The following TMEM132C variants were observed in gnomAD, a reference collection of about 807,000 sequenced individuals.
TMEM132C encodes the protein transmembrane protein 132C.
TMEM132C carries 29 observed loss-of-function variants against 61.4 expected under a neutral mutation model. The observed-to-expected ratio is 0.47, with a 90% confidence interval of 0.35 to 0.64. TMEM132C has a LOEUF of 0.64. Ranked by LOEUF, TMEM132C falls within the 30% of genes least tolerant of loss-of-function variation. The probability of loss-of-function intolerance (pLI) is 0.00; values close to 1 mark genes in which losing one functional copy is unlikely to be tolerated. For synonymous variants in TMEM132C, 656 were observed against 633.1 expected (o/e 1.04, Z -0.54); for missense variants, 1,408 against 1,476.9 (o/e 0.95, Z 0.76).
intron 1 of TMEM132C, among the ~76,000 whole-genome samples, chr12:128,280,955 T>C (rs1317784414): frequency 1.3e-5 from 2 of 152,060 alleles, no homozygotes; most frequent in South Asian, 2.1e-4. Context: ...AAAATGTGGG[T>C]GTTGTTACCC....
chr12:128,276,786 A>G (rs139635076), intron 1 of TMEM132C, among the ~76,000 whole-genome samples: 14 of 152,310 alleles, frequency 9.2e-5, no homozygotes, highest in Non-Finnish European at 1.6e-4. Flanking sequence ...GTATTCTACT[A>G]GCAAGTCTTT....
At chr12:128,370,883 CT>C (rs1464683625) in intron 1 of TMEM132C, among the ~76,000 whole-genome samples, 1 of 152,148 alleles carries the variant, frequency 6.6e-6, no homozygotes, top group Admixed American at 6.5e-5. Context: ...GCAGCTACCC[CT>C]GAGGAGCTCA....
chr12:128,510,824 G>T (rs1289888585), intron 2 of TMEM132C, among the ~76,000 whole-genome samples: 1 of 152,338 alleles, frequency 6.6e-6, no homozygotes, highest in South Asian at 2.1e-4. Context: ...GGGCAGCCTC[G>T]CCTGGCGAGT....
chr12:128,527,814 G>A lies in TMEM132C; in HGVS notation c.975-16143G>A, dbSNP rs557217895. 1.6e-3 allele frequency among the ~76,000 whole-genome samples: 245 copies of A among 151,884 alleles called. 1 individual carries two copies. Among genetic ancestry groups the A allele is most frequent in the Non-Finnish European group, 2.1e-3 (142 of 67,952 alleles). The stretch of plus-strand genomic sequence containing the variant: ...TATTTTCAAGCCAACACTTGCCTAG[G>A]TTTCTTCTAACTCTGTAGTCAGAGT... On this transcript the variant is annotated intron_variant, in intron 2 of 8. Coordinates refer to ENST00000435159, the MANE Select transcript of TMEM132C (RefSeq NM_001136103.3).
chr12:128,376,249 C>T (rs1874189718), intron 1 of TMEM132C, among the ~76,000 whole-genome samples: 1 of 152,208 alleles, frequency 6.6e-6, no homozygotes, highest in Non-Finnish European at 1.5e-5. Context: ...TAACCAGGTG[C>T]ATTGGAGAGA....
chr12:128,625,810 G>A (rs149860216), intron 4 of TMEM132C, among the ~76,000 whole-genome samples: 21 of 152,240 alleles, frequency 1.4e-4, no homozygotes, highest in South Asian at 4.1e-4. Flanking sequence ...CTTCACCTGC[G>A]TGACCTTATC....
At chr12:128,614,787 G>T (rs981487191) in intron 3 of TMEM132C, among the ~76,000 whole-genome samples, 13 of 152,186 alleles carry the variant, frequency 8.5e-5, no homozygotes, top group Non-Finnish European at 1.9e-4. Context: ...GTCATTAAAG[G>T]ATACTAGGCA....
At chr12:128,619,764 T>C (rs553638155) in intron 4 of TMEM132C, among the ~76,000 whole-genome samples, 1 of 152,308 alleles carries the variant, frequency 6.6e-6, no homozygotes, top group African/African-American at 2.4e-5. Context: ...CTTTCAGAAC[T>C]ACAGAGGAAG....
intron 2 of TMEM132C, among the ~76,000 whole-genome samples, chr12:128,528,229 G>C (rs1002023559): frequency 3.3e-5 from 5 of 152,156 alleles, no homozygotes; most frequent in Admixed American, 2.6e-4. Flanking sequence ...ATCACTAGGG[G>C]AGTCTCATCT....
chr12:128,528,661 A>G (rs1873177445), intron 2 of TMEM132C, among the ~76,000 whole-genome samples: 1 of 152,134 alleles, frequency 6.6e-6, no homozygotes, highest in South Asian at 2.1e-4. Context: ...GTTTAGCAAC[A>G]TCACCTCCCA....
intron 2 of TMEM132C, among the ~76,000 whole-genome samples, chr12:128,529,751 A>G (rs193070618): frequency 2.6e-5 from 4 of 152,164 alleles, no homozygotes; most frequent in Non-Finnish European, 5.9e-5. Flanking sequence ...GTGCCACTGC[A>G]CTCCAGCCTG....
chr12:128,378,022 G>C (rs1874254709), intron 1 of TMEM132C, among the ~76,000 whole-genome samples: 1 of 152,164 alleles, frequency 6.6e-6, no homozygotes, highest in African/African-American at 2.4e-5. Context: ...GGAGCACGGA[G>C]CCAGGAACCC....
intron 5 of TMEM132C, 105 bp from the exon 6 acceptor site, chr12:128,693,724 G>A: frequency 7.6e-7 from 1 of 1,320,640 alleles, no homozygotes; most frequent in East Asian, 2.5e-5. Flanking sequence ...GGAGAAACCA[G>A]AAATAAGCAT....
At chr12:128,690,137 G>A (rs1387719353) in intron 5 of TMEM132C, among the ~76,000 whole-genome samples, 1 of 152,194 alleles carries the variant, frequency 6.6e-6, no homozygotes, top group East Asian at 1.9e-4. Context: ...CCGTCCCTGG[G>A]TCCTTACAGG....
At chr12:128,567,337 C>T (rs1052399572) in intron 3 of TMEM132C, among the ~76,000 whole-genome samples, 5 of 151,974 alleles carry the variant, frequency 3.3e-5, no homozygotes, top group Non-Finnish European at 7.4e-5. Context: ...TTTAGTAGTT[C>T]AATGTATGTC....
intron 1 of TMEM132C, among the ~76,000 whole-genome samples, chr12:128,352,234 A>G (rs1593021386): frequency 6.6e-6 from 1 of 152,202 alleles, no homozygotes; most frequent in Admixed American, 6.5e-5. Context: ...GGGAGGCCTC[A>G]GGCAACTTAC....
At chr12:128,654,274 G>A (rs535380045) in intron 4 of TMEM132C, among the ~76,000 whole-genome samples, 4 of 152,114 alleles carry the variant, frequency 2.6e-5, no homozygotes, top group Non-Finnish European at 5.9e-5. Flanking sequence ...TTCCACGGTG[G>A]CAGAGGCAGA....
intron 2 of TMEM132C, among the ~76,000 whole-genome samples, chr12:128,534,016 G>A (rs184311123): frequency 6.6e-6 from 1 of 151,330 alleles, no homozygotes; most frequent in Non-Finnish European, 1.5e-5. Context: ...CACCCCAGCA[G>A]GCCTGAGAAG....
intron 2 of TMEM132C, among the ~76,000 whole-genome samples, chr12:128,503,460 T>A (rs1265221470): frequency 6.6e-6 from 1 of 152,224 alleles, no homozygotes; most frequent in Non-Finnish European, 1.5e-5. Flanking sequence ...ATGTAAGTCT[T>A]TGGGTCTCAG....
Sources: allele counts gnomAD v4.1 joint callset (sites outside exome capture counted in the v4.1 genomes callset), GRCh38; gene constraint gnomAD v4.1.1; transcripts MANE v1.5; gene names NCBI Gene and HGNC (gene_info 2026-07-23, HGNC 2026-07-21).